COQ8A: variants seen among roughly 807,000 people sequenced by gnomAD.
The protein encoded by COQ8A is coenzyme Q8A.
COQ8A carries 51 observed loss-of-function variants against 65.0 expected under a neutral mutation model. That is an observed-to-expected ratio of 0.78 (90% CI 0.63 to 0.99). The LOEUF is 0.99. Among genes scored for constraint, COQ8A ranks in the 50% least tolerant of loss-of-function variants. The pLI is 0.00. For missense variants in COQ8A, 940 were observed against 875.0 expected, an observed-to-expected ratio of 1.07 and a Z score of -0.94; for synonymous variants, 371 against 353.2, an observed-to-expected ratio of 1.05 and a Z score of -0.57.
chr1:226,965,135 C>T lies in COQ8A; in HGVS notation c.313C>T (p.Pro105Ser). 1 of 1,613,992 alleles carries T rather than the reference C, an allele frequency of 6.2e-7. No homozygotes were observed. Among genetic ancestry groups the T allele is most frequent in the Non-Finnish European group, 8.5e-7 (1 of 1,180,046 alleles). Residue 105 changes from proline to serine, a missense_variant, in exon 3 of 15, where the codon CCA becomes TCA. By Grantham distance (74) the Pro-to-Ser change is moderately conservative (BLOSUM62 -1). Coordinates refer to ENST00000366777, the MANE Select transcript of COQ8A (RefSeq NM_020247.5). ...CTCCGCTCCCGACCAGTCAGCGCCCCCATCCCTGGGTCATGCCCACAGCGA... is the reference window on the plus strand; with the variant it reads ...CTCCGCTCCCGACCAGTCAGCGCCCTCATCCCTGGGTCATGCCCACAGCGA... ...SASAPDQSAP[P>S]SLGHAHSEGP...
intron 1 of COQ8A, among the ~76,000 whole-genome samples, chr1:226,948,774 T>C (rs1657196721): frequency 6.6e-6 from 1 of 152,100 alleles, no homozygotes; most frequent in Non-Finnish European, 1.5e-5. Context: ...GAGAGGTCCA[T>C]GTGCAAGAAG....
At chr1:226,977,682 T>G (rs1188242802) in intron 5 of COQ8A, among the ~76,000 whole-genome samples, 159 bp downstream of exon 5, 1 of 152,118 alleles carries the variant, frequency 6.6e-6, no homozygotes, top group African/African-American at 2.4e-5. Context: ...AGGCTGTTCA[T>G]ACAGACAGAT....
chr1:226,960,218 GTGGTGA>G (rs1203180680), intron 1 of COQ8A, among the ~76,000 whole-genome samples: 12 of 147,572 alleles, frequency 8.1e-5, no homozygotes, highest in African/African-American at 2.0e-4. Context: ...GGTGGTGGTG[GTGGTGA>G]TGGTACTTGG....
rs139415695 is a variant in COQ8A, at chr1:226,959,597, G to A, written c.-9-1780G>A. ...TTAGTCTGCTCACAAATGACAGACT[G>A]TGTTTATTAGCAGCATCTGTTTATT... is the stretch of plus-strand genomic sequence containing the variant. On this transcript the variant is annotated intron_variant, in intron 1 of 14. Coordinates refer to ENST00000366777, the MANE Select transcript of COQ8A (RefSeq NM_020247.5). 3.3e-5 allele frequency among the ~76,000 whole-genome samples: 5 copies of A among 152,354 alleles called. No homozygotes were observed. In the East Asian group the frequency reaches 9.6e-4, roughly 29 times the overall value.
rs765094300 is a variant in COQ8A at position 226,966,010 on chromosome 1, C to T, written c.655+273C>T. Among the ~76,000 whole-genome samples, 53 of 152,246 alleles carry T rather than the reference C, an allele frequency of 3.5e-4. 1 individual carries two copies. Among genetic ancestry groups the T allele is most frequent in the South Asian group, 2.1e-4 (1 of 4,836 alleles). ...TGAGTTTGGATTGCCCGGCAGGCCTCGCCTGGAGGCGGTGTCTGCAGCATC... is the reference window on the plus strand; with the variant it reads ...TGAGTTTGGATTGCCCGGCAGGCCTTGCCTGGAGGCGGTGTCTGCAGCATC... On this transcript the variant is annotated intron_variant, in intron 4 of 14. Coordinates refer to ENST00000366777, the MANE Select transcript of COQ8A (RefSeq NM_020247.5).
Position 226,965,661 on chromosome 1 carries a change from C to T in COQ8A, c.589-10C>T, listed in dbSNP as rs1040742697. On this transcript the variant is annotated splice_polypyrimidine_tract_variant and intron_variant, in intron 3 of 14. Transcript: ENST00000366777. ...CTGATTCCACAGGTCTCTTTCTCGT[C>T]TCCCTCCAGCTCAGCGAGCATGCCC... The T allele has an allele frequency of 6.2e-7, 1 of 1,613,998 alleles. No homozygotes were observed. Among genetic ancestry groups the T allele is most frequent in the Non-Finnish European group, 8.5e-7 (1 of 1,180,010 alleles).
chr1:226,969,441 C>T (rs551551515), intron 4 of COQ8A, among the ~76,000 whole-genome samples: 2 of 152,136 alleles, frequency 1.3e-5, no homozygotes, highest in East Asian at 1.9e-4. Flanking sequence ...TGAGACTACA[C>T]GTGCGTGATA....
Position 226,986,453 on chromosome 1 carries a change from G to A in COQ8A, c.1660G>A (p.Val554Ile). ...ATTTATCCTTCCTCTCTTGCCCCAG[G>A]TCATGGAAGACGCCCACTTGGATGC... The part of the protein sequence containing the change: ...MKFLTGYEVK[V>I]MEDAHLDAIL... The change falls in exon 15 of 15, where the codon GTC becomes ATC. Residue 554 changes from valine (V) to isoleucine (I), a missense_variant and splice_region_variant. By Grantham distance (29) the Val-to-Ile change is conservative (BLOSUM62 3). Transcript: ENST00000366777. The A allele has an allele frequency of 6.2e-7, 1 of 1,612,038 alleles. No homozygotes were observed. Among genetic ancestry groups the A allele is most frequent in the African/African-American group, 1.3e-5 (1 of 74,994 alleles).
rs540891532 is a variant in COQ8A, at chr1:226,971,014, C to T, written c.655+5277C>T. ...GGAGTGCAATGGCGTGATCTCGACT[C>T]ACTGCAACCTCTGCCTCCCGGGTTC... On this transcript the variant is annotated intron_variant, in intron 4 of 14. Coordinates refer to ENST00000366777, the MANE Select transcript of COQ8A (RefSeq NM_020247.5). 1.7e-4 allele frequency among the ~76,000 whole-genome samples: 26 copies of T among 152,202 alleles called. No individual in the cohort carries two copies. The South Asian group carries it at 5.0e-3, about 29-fold the overall frequency.
intron 5 of COQ8A, among the ~76,000 whole-genome samples, chr1:226,978,976 C>T (rs1164440048): frequency 1.3e-5 from 2 of 152,106 alleles, no homozygotes; most frequent in Admixed American, 6.5e-5. Context: ...CCGCACACCT[C>T]CTTGTAAACC....
intron 1 of COQ8A, chr1:226,958,091 C>G (rs550269428): frequency 2.0e-5 from 3 of 152,306 alleles, no homozygotes; most frequent in South Asian, 2.1e-4. Context: ...TCGTGCTCAA[C>G]TAGTCACCGA....
At chr1:226,977,842 CCA>C (rs747933108) in intron 5 of COQ8A, among the ~76,000 whole-genome samples, 2 of 151,752 alleles carry the variant, frequency 1.3e-5, no homozygotes, top group African/African-American at 2.4e-5. Flanking sequence ...CACTGAACAC[CCA>C]CACACAACCC....
At chr1:226,982,313 C>T in intron 6 of COQ8A, 164 bp downstream of exon 6, 2 of 1,124,732 alleles carry the variant, frequency 1.8e-6, no homozygotes, top group South Asian at 3.2e-5. Flanking sequence ...ACGGGTGGCT[C>T]TGGGTCCAAA....
intron 1 of COQ8A, among the ~76,000 whole-genome samples, chr1:226,957,175 T>C (rs1023477578): frequency 7.3e-6 from 1 of 136,744 alleles, no homozygotes; most frequent in African/African-American, 2.8e-5. Flanking sequence ...CCCTGGCTTC[T>C]GCTCTCCCTG....
At chr1:226,960,018 TTGG>T (rs776307822) in intron 1 of COQ8A, among the ~76,000 whole-genome samples, 1 of 152,012 alleles carries the variant, frequency 6.6e-6, no homozygotes, top group Non-Finnish European at 1.5e-5. Flanking sequence ...GTGTTGGTGC[TTGG>T]TGGTGGTGGT....
chr1:226,984,862 G>A lies in COQ8A; in HGVS notation c.1507-14G>A. On this transcript the variant is annotated splice_polypyrimidine_tract_variant and intron_variant, in intron 12 of 14. Transcript: ENST00000366777. ...GCACCAGGGCCAAACTTCTCCTGGT[G>A]TCTCTGTCCCCAGGTGGCTCTTTTG... 6.2e-7 allele frequency: 1 copy of A among 1,614,126 alleles called. No individual in the cohort carries two copies.
chr1:226,977,626 C>A, intron 5 of COQ8A, 103 bp downstream of exon 5: 2 of 1,309,602 alleles, frequency 1.5e-6, no homozygotes, highest in Non-Finnish European at 1.1e-6. Context: ...GCCAGCTGGG[C>A]CGCATTTGCA....
chr1:226,986,017 G>C (rs1045432322), intron 14 of COQ8A, among the ~76,000 whole-genome samples: 2 of 152,180 alleles, frequency 1.3e-5, no homozygotes, highest in African/African-American at 4.8e-5. Flanking sequence ...CCTCTCCCCT[G>C]CTCTGCTGGC....
In COQ8A at chr1:226,986,721, G is replaced by C. The variant is rs773746786; in HGVS notation, c.1928G>C (p.Arg643Thr). ...GAGGCCTACAGCAACTACTGCAAGA[G>C]GCAGGCCCAGCAGTAGGGCTGCGGG... ...FEEAYSNYCK[R>T]QAQQ Residue 643 changes from arginine (R) to threonine (T), a missense_variant, in exon 15 of 15, where the codon AGG becomes ACG. By Grantham distance (71) the Arg-to-Thr change is moderately conservative. Coordinates refer to ENST00000366777, the MANE Select transcript of COQ8A (RefSeq NM_020247.5). The C allele has an allele frequency of 1.4e-5, 22 of 1,613,342 alleles. No individual in the cohort carries two copies. The highest frequency in any genetic ancestry group is 1.9e-5 in the Non-Finnish European group (22 of 1,180,030).
Sources: gnomAD v4.1 joint callset for allele counts (sites outside exome capture counted in the v4.1 genomes callset) on GRCh38, gnomAD v4.1.1 for gene constraint, MANE v1.5 for transcripts, NCBI Gene and HGNC (gene_info 2026-07-23, HGNC 2026-07-21) for gene names.